The following ADAM22 variants were observed in gnomAD, a reference collection of about 807,000 sequenced individuals.
The protein encoded by ADAM22 is disintegrin and metalloproteinase domain-containing protein 22.
In ADAM22, 65 loss-of-function variants were observed where a neutral mutation model predicts 144.6. That is an observed-to-expected ratio of 0.45 (90% confidence interval 0.37 to 0.55). The LOEUF is 0.55. Among genes scored for constraint, ADAM22 ranks in the 20% least tolerant of loss-of-function variants. The pLI, the probability that ADAM22 is intolerant of heterozygous loss-of-function variation, is 0.00. For missense variants in ADAM22, 974 were observed against 1,184.9 expected (o/e 0.82, Z 2.61); for synonymous variants, 391 against 412.6 (o/e 0.95, Z 0.63).
At chr7:87,947,919 A>G (rs956147401) in intron 2 of ADAM22, among the ~76,000 whole-genome samples, 1 of 152,176 alleles carries the variant, frequency 6.6e-6, no homozygotes, top group Non-Finnish European at 1.5e-5. Flanking sequence ...GGTGCTCAAC[A>G]AGCAAATATT....
chr7:88,186,758 C>A, intron 30 of ADAM22, 57 bp downstream of exon 30: 1 of 1,078,628 alleles, frequency 9.3e-7, no homozygotes, highest in Non-Finnish European at 1.4e-6. Context: ...CATACAAATA[C>A]TGTAGTGTGA....
chr7:88,090,741 T>C (rs1266077014), intron 4 of ADAM22, among the ~76,000 whole-genome samples: 1 of 152,144 alleles, frequency 6.6e-6, no homozygotes, highest in Non-Finnish European at 1.5e-5. Flanking sequence ...CATATGGTAA[T>C]TTAATGAGAA....
At chr7:88,107,018 G>T (rs1824565077) in intron 4 of ADAM22, among the ~76,000 whole-genome samples, 2 of 152,052 alleles carry the variant, frequency 1.3e-5, no homozygotes, top group Non-Finnish European at 2.9e-5. Flanking sequence ...ACCAGTTAAA[G>T]CCATTGCTGG....
In ADAM22 at chr7:87,934,561, C is replaced by T. The variant is rs760053360; in HGVS notation, c.85+11C>T. 12 of 1,603,520 alleles carry T rather than the reference C, an allele frequency of 7.5e-6. No individual in the cohort carries two copies. The highest frequency in any genetic ancestry group is 2.7e-5 in the African/African-American group (2 of 74,730). The stretch of plus-strand genomic sequence containing the variant: ...GCTGCGGCCAGGCAGGTAAGTTAGC[C>T]GTCCTCTGTGCCTTTGGGCCATACC... On this transcript the variant is annotated intron_variant, in intron 1 of 31. Transcript: ENST00000413139.
At chr7:88,115,664 C>T (rs1057297867) in intron 6 of ADAM22, among the ~76,000 whole-genome samples, 1 of 152,192 alleles carries the variant, frequency 6.6e-6, no homozygotes, top group Non-Finnish European at 1.5e-5. Flanking sequence ...ACCCTGGGTG[C>T]CAGGGCCTCA....
intron 3 of ADAM22, among the ~76,000 whole-genome samples, chr7:87,990,143 AC>A (rs1369066720): frequency 1.3e-5 from 2 of 152,162 alleles, no homozygotes; most frequent in South Asian, 2.1e-4. Context: ...GGTGATAGAT[AC>A]AAAAAGATAA....
chr7:87,993,021 C>T (rs796195722), intron 3 of ADAM22, among the ~76,000 whole-genome samples: 15 of 152,130 alleles, frequency 9.9e-5, no homozygotes, highest in Admixed American at 4.6e-4. Flanking sequence ...CGCCTTTCCC[C>T]GTATCATATA....
At chr7:88,084,730 A>G (rs1228027598) in intron 4 of ADAM22, among the ~76,000 whole-genome samples, 1 of 152,196 alleles carries the variant, frequency 6.6e-6, no homozygotes, top group African/African-American at 2.4e-5. Context: ...GTACCTTTTT[A>G]AAAAGCAACT....
chr7:88,184,226 A>G (rs954751030), intron 29 of ADAM22: 1 of 229,488 alleles, frequency 4.4e-6, no homozygotes, highest in Non-Finnish European at 9.2e-6. Context: ...CATCTTCCTC[A>G]TTGTTGTACA....
intron 24 of ADAM22, among the ~76,000 whole-genome samples, chr7:88,167,499 T>C (rs530247021): frequency 3.7e-4 from 57 of 152,232 alleles, no homozygotes; most frequent in African/African-American, 1.2e-3. Flanking sequence ...TGGTGCTGCC[T>C]CTCCTGCCAC....
chr7:87,957,082 AG>A (rs2129444519), intron 2 of ADAM22, among the ~76,000 whole-genome samples: 1 of 152,312 alleles, frequency 6.6e-6, no homozygotes, highest in East Asian at 1.9e-4. Context: ...ACTACCCTAC[AG>A]GATTCCTCAC....
intron 3 of ADAM22, among the ~76,000 whole-genome samples, chr7:88,026,075 G>C (rs1798962914): frequency 6.6e-6 from 1 of 152,032 alleles, no homozygotes. Context: ...TTAATTCCTA[G>C]CTATTTAATT....
At chr7:88,130,589 CG>C in intron 10 of ADAM22, 130 bp downstream of exon 10, 2 of 799,076 alleles carry the variant, frequency 2.5e-6, no homozygotes, top group East Asian at 2.9e-5. Context: ...TAGTAAGTTC[CG>C]GGTGACCTTG....
intron 4 of ADAM22, 22 bp from the exon 5 acceptor site, chr7:88,108,154 C>A: frequency 5.0e-6 from 8 of 1,593,706 alleles, no homozygotes; most frequent in Non-Finnish European, 6.9e-6. Flanking sequence ...CAAAGACTTA[C>A]ATTCTTTATT....
chr7:88,000,890 T>C (rs184909627), intron 3 of ADAM22, among the ~76,000 whole-genome samples: 3 of 152,346 alleles, frequency 2.0e-5, no homozygotes, highest in Non-Finnish European at 4.4e-5. Flanking sequence ...AGAACTAGGC[T>C]TTGTTTTCAC....
intron 2 of ADAM22, among the ~76,000 whole-genome samples, chr7:87,962,884 G>A (rs955546112): frequency 2.6e-5 from 4 of 152,174 alleles, no homozygotes; most frequent in African/African-American, 9.7e-5. Context: ...TTAGGAAGGG[G>A]TGGAGCTAGG....
At chr7:88,135,863 CT>C in intron 13 of ADAM22, 116 bp from the exon 14 acceptor site, 1 of 759,178 alleles carries the variant, frequency 1.3e-6, no homozygotes, top group Non-Finnish European at 2.0e-6. Flanking sequence ...AAAGAAGTTA[CT>C]ACTTTTTAAA....
intron 3 of ADAM22, among the ~76,000 whole-genome samples, chr7:88,000,539 A>C (rs1481696371): frequency 6.6e-6 from 1 of 152,180 alleles, no homozygotes; most frequent in Non-Finnish European, 1.5e-5. Flanking sequence ...TAGTTATTTT[A>C]CTAATGTCTT....
At chr7:88,116,091 C>T (rs370054367) in intron 6 of ADAM22, among the ~76,000 whole-genome samples, 21 of 152,222 alleles carry the variant, frequency 1.4e-4, no homozygotes, top group African/African-American at 4.6e-4. Context: ...TATGGGTACC[C>T]ACTGCTGCCT....
Sources: gnomAD v4.1 joint callset for allele counts (sites outside exome capture counted in the v4.1 genomes callset) on GRCh38, gnomAD v4.1.1 for gene constraint, MANE v1.5 for transcripts, NCBI Gene and HGNC (gene_info 2026-07-23, HGNC 2026-07-21) for gene names.